ART3: variants seen among roughly 807,000 people sequenced by gnomAD.
ART3 encodes the protein ecto-ADP-ribosyltransferase 3.
In ART3, 49 loss-of-function variants were observed where a neutral mutation model predicts 48.5. The observed-to-expected ratio is 1.01, with a 90% confidence interval of 0.80 to 1.28. The LOEUF is 1.28. Ranked by LOEUF, ART3 falls within the 50% of genes most tolerant of loss-of-function variation. The pLI is 0.00. For missense variants in ART3, 438 were observed against 454.3 expected (o/e 0.96, Z 0.33); for synonymous variants, 145 against 157.2 (o/e 0.92, Z 0.58).
intron 1 of ART3, chr4:76,035,851 G>T: frequency 3.9e-6 from 5 of 1,294,256 alleles, no homozygotes; most frequent in Non-Finnish European, 5.5e-6. Flanking sequence ...TGTCTTTTAG[G>T]ATAAAAGTGG....
upstream of ART3, chr4:76,074,675 G>T (rs528071694): frequency 7.2e-5 from 11 of 152,250 alleles, no homozygotes; most frequent in African/African-American, 2.2e-4. Context: ...ACTGCTGGGG[G>T]TGTTTATAAA....
intron 11 of ART3, 119 bp downstream of exon 11, chr4:76,107,912 T>A (rs573400397): frequency 2.7e-5 from 20 of 741,316 alleles, no homozygotes; most frequent in Non-Finnish European, 3.9e-5. Flanking sequence ...GGCATCTTAA[T>A]AACAGAGTAT....
At chr4:76,074,117 G>A (rs183431292), upstream of ART3, among the ~76,000 whole-genome samples, 9 of 152,212 alleles carry the variant, frequency 5.9e-5, no homozygotes, top group African/African-American at 1.9e-4. Flanking sequence ...CCATGTATGC[G>A]TTACTCAAAT....
At chr4:76,044,041 C>T (rs1234751302) in intron 1 of ART3, among the ~76,000 whole-genome samples, 3 of 151,878 alleles carry the variant, frequency 2.0e-5, no homozygotes, top group African/African-American at 7.3e-5. Flanking sequence ...GTTAGTTGAA[C>T]TCATTTGGGG....
intron 3 of ART3, among the ~76,000 whole-genome samples, chr4:76,083,163 A>G (rs1199096648): frequency 6.6e-6 from 1 of 152,174 alleles, no homozygotes; most frequent in African/African-American, 2.4e-5. Context: ...ACACCACTGC[A>G]CTGCAGTCTT....
At chr4:76,089,276 T>C (rs940169934) in intron 3 of ART3, among the ~76,000 whole-genome samples, 1 of 152,144 alleles carries the variant, frequency 6.6e-6, no homozygotes, top group Non-Finnish European at 1.5e-5. Flanking sequence ...GCAAATGATA[T>C]GGTTTGGATC....
upstream of ART3, among the ~76,000 whole-genome samples, chr4:76,073,024 A>G (rs1396269528): frequency 1.3e-5 from 2 of 152,188 alleles, no homozygotes; most frequent in African/African-American, 2.4e-5. Flanking sequence ...CCAAAACCAT[A>G]GCACTCACTA....
intron 1 of ART3, among the ~76,000 whole-genome samples, chr4:76,043,318 A>G (rs6849464): frequency 0.62 from 93,162 of 151,304 alleles, 30,002 homozygotes; most frequent in East Asian, 0.94. Flanking sequence ...TTGGGTGGTC[A>G]ATGGGACTGG....
At chr4:76,099,594 A>C (rs974375651) in intron 5 of ART3, 2 of 154,936 alleles carry the variant, frequency 1.3e-5, no homozygotes, top group African/African-American at 4.8e-5. Context: ...CTCTGTATTC[A>C]GTCATTGAAA....
intron 2 of ART3, among the ~76,000 whole-genome samples, chr4:76,080,685 A>G (rs7656734): frequency 0.11 from 16,778 of 150,856 alleles, 1,237 homozygotes; most frequent in East Asian, 0.34. Flanking sequence ...TAATTTTTGT[A>G]TTTTTAGTAG....
chr4:76,090,305 T>A (rs530487220), intron 3 of ART3, among the ~76,000 whole-genome samples: 75 of 152,328 alleles, frequency 4.9e-4, no homozygotes, highest in African/African-American at 1.8e-3. Context: ...AGAGAACGTA[T>A]TGCATAATAA....
intron 1 of ART3, among the ~76,000 whole-genome samples, chr4:76,038,733 T>C (rs941403847): frequency 1.3e-5 from 2 of 150,832 alleles, no homozygotes; most frequent in Non-Finnish European, 3.0e-5. Context: ...ATTTATTTAT[T>C]TATCTTTGAG....
intron 1 of ART3, among the ~76,000 whole-genome samples, chr4:76,040,523 C>T (rs1734872228): frequency 1.2e-5 from 1 of 84,738 alleles, no homozygotes; most frequent in African/African-American, 5.3e-5. Context: ...CAGGTTCTCC[C>T]CCCCGCCCCC....
At chr4:76,074,628 G>A (rs1224679444), upstream of ART3, 1 of 152,138 alleles carries the variant, frequency 6.6e-6, no homozygotes, top group Non-Finnish European at 1.5e-5. Flanking sequence ...GATATAAATA[G>A]CAGAACACAA....
chr4:76,042,399 A>G (rs1298774135), intron 1 of ART3, among the ~76,000 whole-genome samples: 3 of 152,222 alleles, frequency 2.0e-5, no homozygotes, highest in African/African-American at 7.2e-5. Context: ...AGTATGACTT[A>G]AAAGAATCCT....
chr4:76,044,615 C>G (rs1560593032), intron 1 of ART3, among the ~76,000 whole-genome samples: 1 of 151,558 alleles, frequency 6.6e-6, no homozygotes, highest in East Asian at 1.9e-4. Context: ...CTCTTCCTCT[C>G]TTTTTAACTC....
intron 1 of ART3, among the ~76,000 whole-genome samples, chr4:76,063,647 A>G (rs1387698258): frequency 1.3e-5 from 2 of 152,202 alleles, no homozygotes; most frequent in Non-Finnish European, 2.9e-5. Context: ...TAGGTATTTA[A>G]GTAGTCATGT....
chr4:76,054,895 A>G (rs550571584), intron 1 of ART3, among the ~76,000 whole-genome samples: 10 of 152,276 alleles, frequency 6.6e-5, no homozygotes, highest in South Asian at 2.1e-4. Context: ...GCTGAATGCT[A>G]TTTTCCTTGT....
intron 1 of ART3, among the ~76,000 whole-genome samples, chr4:76,011,508 G>A (rs1350187488): frequency 6.6e-6 from 1 of 152,242 alleles, no homozygotes; most frequent in Non-Finnish European, 1.5e-5. Context: ...GACGGCCCCA[G>A]AAGGGCCAGG....
Sources: allele counts gnomAD v4.1 joint callset (sites outside exome capture counted in the v4.1 genomes callset), GRCh38; gene constraint gnomAD v4.1.1; transcripts MANE v1.5; gene names NCBI Gene and HGNC (gene_info 2026-07-23, HGNC 2026-07-21).